TUBB8: variants seen among roughly 807,000 people sequenced by gnomAD.
The protein encoded by TUBB8 is tubulin beta 8 class VIII.
A neutral mutation model predicts 33.7 loss-of-function variants in TUBB8; 25 were observed. The observed-to-expected ratio is 0.74, with a 90% CI of 0.54 to 1.04. The LOEUF (loss-of-function observed/expected upper bound fraction) is 1.04. Ranked by LOEUF, TUBB8 falls within the 50% of genes least tolerant of loss-of-function variation. TUBB8 has a pLI of 0.00. For missense variants in TUBB8, 279 were observed against 608.0 expected, an observed-to-expected ratio of 0.46 and a Z score of 5.69; for synonymous variants, 245 against 240.1, an observed-to-expected ratio of 1.02 and a Z score of -0.19.
intron 1 of TUBB8, among the ~76,000 whole-genome samples, chr10:69,822 G>A (rs368584033): frequency 8.5e-5 from 13 of 152,272 alleles, no homozygotes; most frequent in East Asian, 1.9e-4. Context: ...GCTCGAGCCC[G>A]GGAGGATGCA....
upstream of TUBB8, among the ~76,000 whole-genome samples, chr10:76,505 C>T (rs1554743248): frequency 6.6e-6 from 1 of 152,158 alleles, no homozygotes; most frequent in African/African-American, 2.4e-5. Flanking sequence ...GGAGCGTCTC[C>T]CTGTCCTCAC....
Position 48,915 on chromosome 10 carries a change from G to A in TUBB8, c.58-3C>T. On this transcript the variant is annotated splice_polypyrimidine_tract_variant and splice_region_variant and intron_variant, in intron 1 of 3. Coordinates refer to ENST00000568584, the MANE Select transcript of TUBB8 (RefSeq NM_177987.3). ...TCATCAGAGATCACCTCCCAGAACT[G>A]CAAGAGACGGGAGGAGACAGACAGG... is the stretch of plus-strand genomic sequence containing the variant. The A allele has an allele frequency of 2.6e-6, 4 of 1,511,520 alleles. No homozygotes were observed. The highest frequency in any genetic ancestry group is 1.4e-5 in the African/African-American group (1 of 72,438). The allele number at this position is 1,511,520 out of a possible 1,614,324, so 93.6% of individuals were successfully genotyped here. A position where few individuals can be genotyped will look rare whatever the true frequency, so the allele number is the denominator to read the frequency against.
chr10:61,820 A>C (rs1389188856), intron 1 of TUBB8, among the ~76,000 whole-genome samples: 2 of 152,198 alleles, frequency 1.3e-5, no homozygotes, highest in Non-Finnish European at 2.9e-5. Flanking sequence ...CTCTTCAAGA[A>C]TTGATCTCTT....
At chr10:55,191 T>C (rs1270078991) in intron 1 of TUBB8, among the ~76,000 whole-genome samples, 1 of 152,142 alleles carries the variant, frequency 6.6e-6, no homozygotes, top group Non-Finnish European at 1.5e-5. Context: ...AGAGAGCATA[T>C]ATGTGAAGCA....
chr10:59,063 G>A (rs1458782149), intron 1 of TUBB8, among the ~76,000 whole-genome samples: 3 of 152,212 alleles, frequency 2.0e-5, no homozygotes, highest in Admixed American at 6.5e-5. Flanking sequence ...CTGTGGGTCT[G>A]TCATATATGA....
At chr10:57,513 T>C (rs538487094) in intron 1 of TUBB8, among the ~76,000 whole-genome samples, 27 of 152,360 alleles carry the variant, frequency 1.8e-4, no homozygotes, top group African/African-American at 6.5e-4. Context: ...GTCTCAACTC[T>C]TGCATTTTGT....
At chr10:76,372 C>G (rs1333636266), upstream of TUBB8, among the ~76,000 whole-genome samples, 5 of 152,044 alleles carry the variant, frequency 3.3e-5, no homozygotes, top group Admixed American at 1.3e-4. Context: ...AAGGGACGCT[C>G]GTACAAAGTG....
chr10:74,609 G>A (rs1834784005), upstream of TUBB8, among the ~76,000 whole-genome samples: 1 of 119,882 alleles, frequency 8.3e-6, no homozygotes, highest in Non-Finnish European at 1.6e-5. Flanking sequence ...CCTGGCGACA[G>A]AGCGAGACTC....
intron 1 of TUBB8, among the ~76,000 whole-genome samples, chr10:57,039 AAG>A (rs1360118348): frequency 6.6e-6 from 1 of 152,224 alleles, no homozygotes; most frequent in African/African-American, 2.4e-5. Flanking sequence ...AGCCAAAAGA[AAG>A]AGGCCACAGG....
intron 1 of TUBB8, among the ~76,000 whole-genome samples, chr10:66,298 C>G (rs1318908721): frequency 6.6e-6 from 1 of 152,244 alleles, no homozygotes; most frequent in East Asian, 1.9e-4. Context: ...TGTCAATACA[C>G]AGTAATCTGC....
Position 47,963 on chromosome 10 carries a change from A to G in TUBB8, c.429T>C (p.Thr143=). The part of the protein sequence containing the change: ...FQLTHSLGGG[T]GSGMGTLLLS... Reference sequence around the variant, plus strand: ...GCAGAAGGGTACCCATCCCAGACCCAGTCCCCCCACCCAGGGAGTGGGTCA... The same window carrying G: ...GCAGAAGGGTACCCATCCCAGACCCGGTCCCCCCACCCAGGGAGTGGGTCA... Residue 143 remains threonine, a synonymous_variant, in exon 4 of 4, where the codon ACT becomes ACC. Transcript: ENST00000568584. 1 of 1,614,158 alleles carries G rather than the reference A, an allele frequency of 6.2e-7. No homozygotes were observed. Among genetic ancestry groups the G allele is most frequent in the Non-Finnish European group, 8.5e-7 (1 of 1,180,052 alleles).
chr10:49,063 A>G (rs565866290), intron 1 of TUBB8, 119 bp downstream of exon 1: 1 of 1,303,214 alleles, frequency 7.7e-7, no homozygotes, highest in African/African-American at 1.6e-5. Flanking sequence ...ACCCGGTTCC[A>G]CCGTCCCCGG....
intron 1 of TUBB8, among the ~76,000 whole-genome samples, chr10:58,225 T>C (rs1554740437): frequency 6.6e-6 from 1 of 152,250 alleles, no homozygotes; most frequent in Non-Finnish European, 1.5e-5. Flanking sequence ...GCCTTCACTG[T>C]CCAGATCACT....
chr10:48,470 G>C, intron 3 of TUBB8, 145 bp downstream of exon 3: 1 of 787,396 alleles, frequency 1.3e-6, no homozygotes. Flanking sequence ...ATTTAGGAGA[G>C]GCAGATTGAG....
chr10:71,193 T>C (rs782406878), intron 1 of TUBB8, among the ~76,000 whole-genome samples: 5 of 152,076 alleles, frequency 3.3e-5, no homozygotes, highest in Non-Finnish European at 7.4e-5. Context: ...CACACACTTG[T>C]AGTCCCAGCT....
chr10:75,908 G>C (rs1415905683), upstream of TUBB8, among the ~76,000 whole-genome samples: 2 of 151,896 alleles, frequency 1.3e-5, no homozygotes. Flanking sequence ...GGAGGCTAAG[G>C]CGGGTGGATT....
At position 47,975 on chromosome 10, in the gene TUBB8, C is replaced by T. The variant is rs1317548614; in HGVS notation, c.417G>A (p.Leu139=). ...CCATCCCAGACCCAGTCCCCCCACC[C>T]AGGGAGTGGGTCAGCTGGAAACCCT... ...CLQGFQLTHS[L]GGGTGSGMGT... is the part of the protein sequence containing the mutation. Residue 139 remains leucine (L), a synonymous_variant, in exon 4 of 4, where the codon CTG becomes CTA. Coordinates refer to ENST00000568584, the MANE Select transcript of TUBB8 (RefSeq NM_177987.3). 1.2e-6 allele frequency: 2 copies of T among 1,614,130 alleles called. No individual in the cohort carries two copies. The highest frequency in any genetic ancestry group is 1.1e-5 in the South Asian group (1 of 91,080).
upstream of TUBB8, among the ~76,000 whole-genome samples, chr10:53,604 A>G (rs567853734): frequency 0.025 from 3,793 of 152,324 alleles, 48 homozygotes; most frequent in Middle Eastern, 0.068. Flanking sequence ...TAGTTTCAAG[A>G]TGTTTCCCCT....
chr10:61,093 G>A (rs528556375), intron 1 of TUBB8, among the ~76,000 whole-genome samples: 1 of 112,782 alleles, frequency 8.9e-6, no homozygotes, highest in South Asian at 3.6e-4. Context: ...GGGGAGGGGG[G>A]AGGGATAGCA....
Sources: gnomAD v4.1 joint callset for allele counts (sites outside exome capture counted in the v4.1 genomes callset) on GRCh38, gnomAD v4.1.1 for gene constraint, MANE v1.5 for transcripts, NCBI Gene and HGNC (gene_info 2026-07-23, HGNC 2026-07-21) for gene names.